MGAT4C: variants seen among roughly 807,000 people sequenced by gnomAD.
The protein encoded by MGAT4C is MGAT4 family member C, also known as alpha-1,3-mannosyl-glycoprotein 4-beta-N-acetylglucosaminyltransferase C.
MGAT4C carries 19 observed loss-of-function variants against 40.1 expected under a neutral mutation model. The observed-to-expected ratio is 0.47, with a 90% CI of 0.33 to 0.70. The LOEUF (loss-of-function observed/expected upper bound fraction) is 0.70, where lower values mean the gene tolerates loss of function less well. Ranked by LOEUF, MGAT4C falls within the 30% of genes least tolerant of loss-of-function variation. The pLI is 0.02. For synonymous variants in MGAT4C, 181 were observed against 187.1 expected (o/e 0.97, Z 0.27); for missense variants, 491 against 563.2 (o/e 0.87, Z 1.30).
At chr12:86,612,739 C>CAAAAAAAAAAAAAAAAAA in intron 2 of MGAT4C, among the ~76,000 whole-genome samples, 1 of 58,702 alleles carries the variant, frequency 1.7e-5, no homozygotes, top group Non-Finnish European at 3.7e-5. Context: ...GACTCTGTCT[C>CAAAAAAAAAAAAAAAAAA]AAAAAAAAAA....
At chr12:86,507,965 G>C (rs1958500914) in intron 2 of MGAT4C, among the ~76,000 whole-genome samples, 1 of 152,044 alleles carries the variant, frequency 6.6e-6, no homozygotes. Flanking sequence ...CATTGTGATA[G>C]AGATTACAAT....
At chr12:86,576,363 T>A (rs1188060421) in intron 2 of MGAT4C, among the ~76,000 whole-genome samples, 7 of 151,856 alleles carry the variant, frequency 4.6e-5, no homozygotes, top group Non-Finnish European at 1.5e-5. Context: ...ACGTTTGCTT[T>A]GGTTTTCTTG....
chr12:86,413,301 A>C (rs1956642887), intron 3 of MGAT4C, among the ~76,000 whole-genome samples: 1 of 152,166 alleles, frequency 6.6e-6, no homozygotes, highest in Non-Finnish European at 1.5e-5. Context: ...TTCAGCTAAA[A>C]ATCTAAGTGA....
At chr12:86,482,070 A>ACACACACACACG (rs1957947318) in intron 2 of MGAT4C, among the ~76,000 whole-genome samples, 2 of 125,042 alleles carry the variant, frequency 1.6e-5, no homozygotes, top group African/African-American at 7.6e-5. Context: ...ATGTCACTAC[A>ACACACACACACG]CACACACACA....
chr12:86,481,401 C>A lies in MGAT4C; in HGVS notation c.-228-46136G>T, dbSNP rs983222515. Reference sequence around the variant, plus strand: ...TTGTTAGCAGTGTGCATTGACACAACCTTCTGGAGTTTAGTCTAACAACAC... The same window carrying A: ...TTGTTAGCAGTGTGCATTGACACAAACTTCTGGAGTTTAGTCTAACAACAC... On this transcript the variant is annotated intron_variant, in intron 2 of 7. Transcript: ENST00000548651. 4.6e-5 allele frequency among the ~76,000 whole-genome samples: 7 copies of A among 152,070 alleles called. No homozygotes were observed. In the South Asian group the frequency reaches 1.5e-3, roughly 32 times the overall value.
At chr12:86,814,057 C>A (rs1208943962) in intron 1 of MGAT4C, among the ~76,000 whole-genome samples, 1 of 151,756 alleles carries the variant, frequency 6.6e-6, no homozygotes, top group Non-Finnish European at 1.5e-5. Context: ...ACTACAGGTG[C>A]ACACTGCCAC....
chr12:86,499,044 T>C (rs983488486), intron 2 of MGAT4C, among the ~76,000 whole-genome samples: 2 of 152,014 alleles, frequency 1.3e-5, no homozygotes, highest in African/African-American at 4.8e-5. Context: ...AAATGTATTT[T>C]TTCTTCCTTA....
chr12:86,673,640 CTT>C (rs1291030597), intron 2 of MGAT4C, among the ~76,000 whole-genome samples: 1 of 152,116 alleles, frequency 6.6e-6, no homozygotes, highest in African/African-American at 2.4e-5. Flanking sequence ...TTTAGATAAA[CTT>C]TAACACATCT....
chr12:86,785,083 A>C (rs74389576), intron 1 of MGAT4C, among the ~76,000 whole-genome samples: 1 of 152,018 alleles, frequency 6.6e-6, no homozygotes, highest in Non-Finnish European at 1.5e-5. Context: ...GGTTTCATCA[A>C]ATGAAAGGCA....
At chr12:86,556,011 G>A (rs567247876) in intron 2 of MGAT4C, among the ~76,000 whole-genome samples, 42 of 152,328 alleles carry the variant, frequency 2.8e-4, no homozygotes, top group African/African-American at 1.0e-3. Flanking sequence ...CGATGCCTAT[G>A]CATGTAATAT....
intron 2 of MGAT4C, among the ~76,000 whole-genome samples, chr12:86,718,873 C>A (rs1478971129): frequency 1.3e-5 from 2 of 151,746 alleles, no homozygotes; most frequent in Admixed American, 6.6e-5. Flanking sequence ...TGGAAAAATT[C>A]TTTTCTATGA....
At chr12:86,785,641 A>G (rs1045342333) in intron 1 of MGAT4C, among the ~76,000 whole-genome samples, 15 of 151,904 alleles carry the variant, frequency 9.9e-5, no homozygotes, top group African/African-American at 3.4e-4. Flanking sequence ...TTTCACTATG[A>G]TAAAGTTAAC....
chr12:86,522,485 C>T (rs554776090), intron 2 of MGAT4C, among the ~76,000 whole-genome samples: 3 of 152,212 alleles, frequency 2.0e-5, no homozygotes, highest in South Asian at 4.1e-4. Flanking sequence ...TTTTGATGTG[C>T]TGCTGGATTA....
At chr12:86,110,423 T>A (rs1357660132) in intron 1 of MGAT4C, among the ~76,000 whole-genome samples, 1 of 146,476 alleles carries the variant, frequency 6.8e-6, no homozygotes, top group Admixed American at 7.0e-5. Context: ...TTTGGGTTAA[T>A]TTCTTTTTAT....
chr12:86,174,128 C>T (rs990235117), intron 1 of MGAT4C, among the ~76,000 whole-genome samples: 13 of 133,348 alleles, frequency 9.7e-5, no homozygotes, highest in Non-Finnish European at 1.4e-4. Flanking sequence ...CACACATACA[C>T]ACACACACAC....
chr12:86,013,475 G>T (rs952661809), intron 2 of MGAT4C, among the ~76,000 whole-genome samples: 17 of 151,890 alleles, frequency 1.1e-4, no homozygotes, highest in East Asian at 5.8e-4. Context: ...CCTCATAAAA[G>T]ATTATTATAT....
rs776064364 is a variant in MGAT4C at position 86,795,129 on chromosome 12, T to C, written c.-262+43537A>G. On this transcript the variant is annotated intron_variant, in intron 1 of 7. Transcript: ENST00000548651. ...TTCAAAATACATAAACCATTTAATT[T>C]TTAAGTCTGTGTTTTCCTTTATTAC... Among the ~76,000 whole-genome samples, 30 of 152,086 alleles carry C rather than the reference T, an allele frequency of 2.0e-4. 1 individual carries two copies. In the Middle Eastern group the frequency reaches 0.02, roughly 103 times the overall value.
At chr12:86,059,332 G>A (rs1371497300) in intron 1 of MGAT4C, among the ~76,000 whole-genome samples, 3 of 152,122 alleles carry the variant, frequency 2.0e-5, no homozygotes, top group Admixed American at 6.6e-5. Flanking sequence ...ATGAGCCACC[G>A]CACCCAGCCT....
At chr12:86,366,293 T>A (rs1012828071) in intron 3 of MGAT4C, among the ~76,000 whole-genome samples, 1 of 152,222 alleles carries the variant, frequency 6.6e-6, no homozygotes, top group Non-Finnish European at 1.5e-5. Flanking sequence ...GCAGAGTTTT[T>A]AAGGTTTCTA....
Sources: gnomAD v4.1 joint callset for allele counts (sites outside exome capture counted in the v4.1 genomes callset) on GRCh38, gnomAD v4.1.1 for gene constraint, MANE v1.5 for transcripts, NCBI Gene and HGNC (gene_info 2026-07-23, HGNC 2026-07-21) for gene names.